ITCH: variants seen among roughly 807,000 people sequenced by gnomAD.
ITCH encodes the protein itchy E3 ubiquitin protein ligase.
Under a neutral mutation model 126.8 loss-of-function variants are expected in ITCH, and 28 were observed. The ratio of observed to expected loss-of-function variants is 0.22; its 90% CI spans 0.16 to 0.30. ITCH has a LOEUF of 0.30. Ranked by LOEUF, ITCH falls within the 10% of genes least tolerant of loss-of-function variation. ITCH has a pLI of 1.00. For missense variants in ITCH, 631 were observed against 1,032.4 expected (o/e 0.61, Z 5.33); for synonymous variants, 342 against 340.0 (o/e 1.01, Z -0.06).
intron 23 of ITCH, among the ~76,000 whole-genome samples, chr20:34,499,037 C>T (rs951506019): frequency 6.6e-5 from 10 of 150,808 alleles, no homozygotes; most frequent in African/African-American, 1.2e-4. Flanking sequence ...CGCAGTGGCA[C>T]GATCTCGGCT....
intron 23 of ITCH, among the ~76,000 whole-genome samples, chr20:34,497,216 T>G (rs1989947809): frequency 6.6e-6 from 1 of 152,112 alleles, no homozygotes; most frequent in East Asian, 1.9e-4. Flanking sequence ...AGGCTGGTCT[T>G]GAACTCCTAA....
chr20:34,374,091 G>A (rs527342378), intron 2 of ITCH, among the ~76,000 whole-genome samples: 1 of 152,062 alleles, frequency 6.6e-6, no homozygotes, highest in Non-Finnish European at 1.5e-5. Flanking sequence ...CACCATGTTG[G>A]CCAGGATGGA....
chr20:34,405,491 G>A (rs2039028591), intron 3 of ITCH, among the ~76,000 whole-genome samples: 1 of 151,762 alleles, frequency 6.6e-6, no homozygotes, highest in South Asian at 2.1e-4. Context: ...GGCAACAAGA[G>A]CGAAACTCCT....
chr20:34,457,725 G>A (rs957887306), intron 13 of ITCH, among the ~76,000 whole-genome samples: 1 of 152,172 alleles, frequency 6.6e-6, no homozygotes, highest in South Asian at 2.1e-4. Context: ...GGGAGGCCAA[G>A]GAGGGAGGAT....
chr20:34,469,105 A>G (rs931562248), intron 14 of ITCH, among the ~76,000 whole-genome samples: 6 of 152,116 alleles, frequency 3.9e-5, no homozygotes, highest in African/African-American at 1.4e-4. Context: ...TGTCTTTTCT[A>G]CCATCCTAGA....
Position 34,475,035 on chromosome 20 carries a change from C to T in ITCH, c.1570-2737C>T, listed in dbSNP as rs1468645703. On this transcript the variant is annotated intron_variant, in intron 16 of 24. Coordinates refer to ENST00000374864, the MANE Select transcript of ITCH (RefSeq NM_031483.7). The stretch of plus-strand genomic sequence containing the variant: ...CCCAGACGGGGCGGCGGGGCAGAGG[C>T]GCTCCCCACATCCCAGACCATGGGC... Among the ~76,000 whole-genome samples the T allele has an allele frequency of 2.5e-4, 37 of 147,876 alleles. 1 individual carries two copies. Among genetic ancestry groups the T allele is most frequent in the Non-Finnish European group, 8.9e-5 (6 of 67,088 alleles).
At chr20:34,409,255 C>T (rs1384834902) in intron 4 of ITCH, among the ~76,000 whole-genome samples, 1 of 150,348 alleles carries the variant, frequency 6.7e-6, no homozygotes, top group African/African-American at 2.5e-5. Context: ...TATAGTGGCA[C>T]TATCATAGCT....
At chr20:34,387,117 A>G (rs1221374944) in intron 2 of ITCH, among the ~76,000 whole-genome samples, 4 of 151,622 alleles carry the variant, frequency 2.6e-5, no homozygotes, top group African/African-American at 9.7e-5. Flanking sequence ...AGCCTGGCCA[A>G]CATGGCAAAA....
Position 34,445,317 on chromosome 20 carries a change from T to G in ITCH, c.996T>G (p.Arg332=). The part of the protein sequence containing the change: ...GWERRVDNMG[R]IYYVDHFTRT... The stretch of plus-strand genomic sequence containing the variant: ...AACGGCGGGTTGACAACATGGGACG[T>G]ATTTATTATGTTGACCATTTCACAA... The change falls in exon 11 of 25, where the codon CGT becomes CGG. Residue 332 remains arginine, a synonymous_variant. Coordinates refer to ENST00000374864, the MANE Select transcript of ITCH (RefSeq NM_031483.7). 1.9e-6 allele frequency: 3 copies of G among 1,612,562 alleles called. No individual in the cohort carries two copies. The highest frequency in any genetic ancestry group is 2.5e-6 in the Non-Finnish European group (3 of 1,179,716).
intron 11 of ITCH, among the ~76,000 whole-genome samples, chr20:34,448,564 T>C (rs1984759379): frequency 6.6e-6 from 1 of 152,032 alleles, no homozygotes; most frequent in African/African-American, 2.4e-5. Context: ...TATGTGGGAA[T>C]GTGGGATTCA....
chr20:34,374,167 C>T (rs1321772464), intron 2 of ITCH, among the ~76,000 whole-genome samples: 2 of 152,022 alleles, frequency 1.3e-5, no homozygotes, highest in African/African-American at 4.8e-5. Context: ...TTTAGGTGAA[C>T]TTTGATTTGC....
chr20:34,454,586 T>G (rs1415490193), intron 12 of ITCH: 1 of 152,174 alleles, frequency 6.6e-6, no homozygotes, highest in Non-Finnish European at 1.5e-5. Context: ...TAAGCTAAGC[T>G]GACATAGAAA....
At chr20:34,458,405 G>A (rs376824087) in intron 13 of ITCH, among the ~76,000 whole-genome samples, 2 of 152,226 alleles carry the variant, frequency 1.3e-5, no homozygotes. Context: ...GTCTTTAAGC[G>A]ATCCTCCTGC....
intron 24 of ITCH, among the ~76,000 whole-genome samples, chr20:34,505,678 G>A (rs1990578762): frequency 2.0e-5 from 3 of 151,364 alleles, no homozygotes; most frequent in East Asian, 4.0e-4. Flanking sequence ...TCAGCCTCCC[G>A]AGTAGCTGGG....
chr20:34,447,781 G>C (rs148102972), intron 11 of ITCH, among the ~76,000 whole-genome samples: 1 of 152,096 alleles, frequency 6.6e-6, no homozygotes, highest in East Asian at 1.9e-4. Context: ...GGCAGTTCTC[G>C]ACAGCACTAA....
At position 34,438,630 on chromosome 20, in the gene ITCH, A is replaced by G; in HGVS notation, c.678A>G (p.Pro226=). 6.2e-7 allele frequency: 1 copy of G among 1,613,826 alleles called. No homozygotes were observed. The highest frequency in any genetic ancestry group is 8.5e-7 in the Non-Finnish European group (1 of 1,179,950). Residue 226 remains proline (P), a splice_region_variant and synonymous_variant, in exon 8 of 25, where the codon CCA becomes CCG. Transcript: ENST00000374864. The part of the protein sequence containing the change: ...SRPPPPTPRR[P]ASVNGSPSAT... ...CACCACCACCCACCCCACGTAGACC[A>G]GGTTTGTATTCCAGCTCTCAATACT...
At chr20:34,441,987 A>C (rs1983820462) in intron 9 of ITCH, 1 of 555,214 alleles carries the variant, frequency 1.8e-6, no homozygotes, top group Non-Finnish European at 3.2e-6. Context: ...TTTCTCCTAG[A>C]GCAGATACTT....
intron 2 of ITCH, among the ~76,000 whole-genome samples, chr20:34,379,929 G>A (rs1283206072): frequency 9.0e-6 from 1 of 110,814 alleles, no homozygotes; most frequent in Non-Finnish European, 1.7e-5. Flanking sequence ...ACAGAGTCTC[G>A]CTCTGTCACC....
At chr20:34,432,930 C>T (rs1982503249) in intron 7 of ITCH, among the ~76,000 whole-genome samples, 1 of 152,050 alleles carries the variant, frequency 6.6e-6, no homozygotes, top group Admixed American at 6.6e-5. Context: ...GCGTTCCAGG[C>T]TGGGTGACAG....
Sources: allele counts gnomAD v4.1 joint callset (sites outside exome capture counted in the v4.1 genomes callset), GRCh38; gene constraint gnomAD v4.1.1; transcripts MANE v1.5; gene names NCBI Gene and HGNC (gene_info 2026-07-23, HGNC 2026-07-21).